Variants in CSMD1 observed in about 807,000 individuals in gnomAD.
CSMD1 encodes the protein CUB and Sushi multiple domains 1.
Under a neutral mutation model 417.5 loss-of-function variants are expected in CSMD1, and 213 were observed. The observed-to-expected ratio is 0.51, with a 90% CI of 0.46 to 0.57. The LOEUF (loss-of-function observed/expected upper bound fraction) is 0.57, where lower values mean the gene tolerates loss of function less well. Among genes scored for constraint, CSMD1 ranks in the 20% least tolerant of loss-of-function variants. CSMD1 has a pLI of 0.00. For missense variants in CSMD1, 6,923 were observed against 4,529.7 expected (o/e 1.53, Z -15.17); for synonymous variants, 2,862 against 1,736.8 (o/e 1.65, Z -16.11).
rs545885253 is a variant in CSMD1 at position 3,569,215 on chromosome 8, A to C, written c.1344+5730T>G. On this transcript the variant is annotated intron_variant, in intron 10 of 69. Transcript: ENST00000635120. ...GAATAGAAAATGCTAGTTTCTTCTA[A>C]AAGTTTTAGATTTTCTAACGATAGA... Among the ~76,000 whole-genome samples, 12 of 152,236 alleles carry C rather than the reference A, an allele frequency of 7.9e-5. No homozygotes were observed. In the East Asian group the frequency reaches 2.3e-3, roughly 29 times the overall value.
intron 3 of CSMD1, among the ~76,000 whole-genome samples, chr8:4,363,113 C>G (rs1459803644): frequency 1.3e-5 from 2 of 152,156 alleles, no homozygotes; most frequent in Admixed American, 6.5e-5. Context: ...GAGACTTCAT[C>G]AGACACTTTC....
At chr8:4,486,856 T>A (rs534348068) in intron 2 of CSMD1, among the ~76,000 whole-genome samples, 176 of 152,202 alleles carry the variant, frequency 1.2e-3, no homozygotes, top group Admixed American at 2.6e-3. Context: ...TAATTACACA[T>A]CAAGCTCACA....
chr8:3,877,247 G>C (rs1336867025), intron 5 of CSMD1, among the ~76,000 whole-genome samples: 1 of 152,132 alleles, frequency 6.6e-6, no homozygotes, highest in African/African-American at 2.4e-5. Flanking sequence ...CCTGCCTACA[G>C]TGAGCAGATG....
intron 3 of CSMD1, among the ~76,000 whole-genome samples, chr8:4,080,395 T>A (rs1482031882): frequency 6.6e-6 from 1 of 152,186 alleles, no homozygotes; most frequent in Non-Finnish European, 1.5e-5. Flanking sequence ...ACATATTGAA[T>A]TTCCAAAATG....
rs1441782367 is a variant in CSMD1, at chr8:3,772,530, TATACATATATAC to T, written c.819-18500_819-18489del. 2.5e-4 allele frequency among the ~76,000 whole-genome samples: 18 copies of T among 72,972 alleles called. 1 individual carries two copies. The highest frequency in any genetic ancestry group is 3.8e-4 in the Admixed American group (2 of 5,262). 47.9% of individuals were successfully genotyped at this position (72,972 alleles called of 152,430 possible). A position where few individuals can be genotyped will look rare whatever the true frequency, so the allele number is the denominator to read the frequency against. On this transcript the variant is annotated intron_variant, in intron 5 of 69. Coordinates refer to ENST00000635120, the MANE Select transcript of CSMD1 (RefSeq NM_033225.6). The stretch of plus-strand genomic sequence containing the variant: ...ACACATATATACATATATACACATA[TATACATATATAC>T]ACATATATACATATATACATATATA...
At chr8:3,495,572 T>A (rs1346644877) in intron 10 of CSMD1, among the ~76,000 whole-genome samples, 1 of 152,242 alleles carries the variant, frequency 6.6e-6, no homozygotes, top group African/African-American at 2.4e-5. Context: ...TACTCCACGC[T>A]GCTGATGCTC....
At chr8:4,609,273 T>G (rs1801043703) in intron 2 of CSMD1, among the ~76,000 whole-genome samples, 1 of 152,130 alleles carries the variant, frequency 6.6e-6, no homozygotes, top group South Asian at 2.1e-4. Flanking sequence ...TGCTGGTGTG[T>G]GCCTTTGGTC....
chr8:4,358,396 T>C (rs978885244), intron 3 of CSMD1, among the ~76,000 whole-genome samples: 15 of 152,162 alleles, frequency 9.9e-5, no homozygotes, highest in African/African-American at 3.6e-4. Flanking sequence ...AAGGGGACTG[T>C]TTCGTGACAC....
At chr8:3,789,151 A>G (rs1365729972) in intron 5 of CSMD1, among the ~76,000 whole-genome samples, 3 of 152,150 alleles carry the variant, frequency 2.0e-5, no homozygotes, top group African/African-American at 7.2e-5. Context: ...GCAATGCCCC[A>G]GAGAGCTTCC....
chr8:4,897,218 G>A (rs556518078), intron 1 of CSMD1, among the ~76,000 whole-genome samples: 2 of 152,090 alleles, frequency 1.3e-5, no homozygotes, highest in South Asian at 2.1e-4. Flanking sequence ...CTCACAACAC[G>A]TCTGTTTTGT....
intron 10 of CSMD1, among the ~76,000 whole-genome samples, chr8:3,573,962 A>G (rs575732900): frequency 3.3e-5 from 5 of 152,122 alleles, no homozygotes; most frequent in Non-Finnish European, 7.4e-5. Flanking sequence ...TTGAACTTAA[A>G]AGGAGTTAAA....
At chr8:3,722,284 G>A (rs144581823) in intron 6 of CSMD1, among the ~76,000 whole-genome samples, 2 of 152,214 alleles carry the variant, frequency 1.3e-5, no homozygotes, top group East Asian at 1.9e-4. Context: ...CTCCAGCCTG[G>A]GCGACAGAGT....
chr8:3,123,183 T>G lies in CSMD1; in HGVS notation c.6242-4596A>C, dbSNP rs567549914. 3.7e-4 allele frequency among the ~76,000 whole-genome samples: 57 copies of G among 152,316 alleles called. No individual in the cohort carries two copies. In the East Asian group the frequency reaches 9.9e-3, roughly 26 times the overall value. On this transcript the variant is annotated intron_variant, in intron 41 of 69. Coordinates refer to ENST00000635120, the MANE Select transcript of CSMD1 (RefSeq NM_033225.6). ...AAGCCAGGCCAAATCAGCATCTCTC[T>G]CTTTCTCTGACACACACACCCCTCA...
At chr8:3,712,918 G>C (rs998694041) in intron 6 of CSMD1, among the ~76,000 whole-genome samples, 1 of 152,118 alleles carries the variant, frequency 6.6e-6, no homozygotes, top group Non-Finnish European at 1.5e-5. Context: ...AAGTTCAAGA[G>C]ATCCCTGATA....
At chr8:4,833,443 C>G (rs577972951) in intron 1 of CSMD1, among the ~76,000 whole-genome samples, 1 of 152,316 alleles carries the variant, frequency 6.6e-6, no homozygotes, top group African/African-American at 2.4e-5. Context: ...GATCCAATCA[C>G]CTCTCACTAG....
intron 1 of CSMD1, among the ~76,000 whole-genome samples, chr8:4,909,230 G>A (rs1055211082): frequency 6.6e-6 from 1 of 152,282 alleles, no homozygotes; most frequent in African/African-American, 2.4e-5. Context: ...GGATGGTAGA[G>A]TGTTTTATAA....
chr8:4,460,805 C>T (rs1200114638), intron 2 of CSMD1, among the ~76,000 whole-genome samples: 1 of 152,072 alleles, frequency 6.6e-6, no homozygotes, highest in Non-Finnish European at 1.5e-5. Context: ...AAAGAAAATT[C>T]CAGGCTCAAA....
At chr8:4,813,619 T>C (rs1799035503) in intron 1 of CSMD1, among the ~76,000 whole-genome samples, 1 of 152,200 alleles carries the variant, frequency 6.6e-6, no homozygotes, top group African/African-American at 2.4e-5. Flanking sequence ...GCCATGTTTC[T>C]AAAAGGGTCT....
chr8:3,160,738 A>C, intron 38 of CSMD1, among the ~76,000 whole-genome samples: 1 of 152,198 alleles, frequency 6.6e-6, no homozygotes, highest in East Asian at 1.9e-4. Flanking sequence ...TGTGCCAGTT[A>C]TTTCACAGAT....
Sources: gnomAD v4.1 joint callset for allele counts (sites outside exome capture counted in the v4.1 genomes callset) on GRCh38, gnomAD v4.1.1 for gene constraint, MANE v1.5 for transcripts, NCBI Gene and HGNC (gene_info 2026-07-23, HGNC 2026-07-21) for gene names.